PAK5: variants seen among roughly 807,000 people sequenced by gnomAD.
The protein encoded by PAK5 is p21 (RAC1) activated kinase 5.
A neutral mutation model predicts 65.9 loss-of-function variants in PAK5; 16 were observed. The ratio of observed to expected loss-of-function variants is 0.24; its 90% confidence interval spans 0.16 to 0.37. The LOEUF (loss-of-function observed/expected upper bound fraction) is 0.37. PAK5 is among the 10% of genes least tolerant of loss of function. The pLI is 1.00. For synonymous variants in PAK5, 371 were observed against 354.9 expected (o/e 1.05, Z -0.51); for missense variants, 785 against 903.9 (o/e 0.87, Z 1.69).
intron 2 of PAK5, among the ~76,000 whole-genome samples, chr20:9,654,578 C>T (rs959697463): frequency 1.3e-5 from 2 of 152,158 alleles, no homozygotes; most frequent in African/African-American, 4.8e-5. Context: ...ACCCTGTAGG[C>T]AGACAAATCT....
In PAK5 at chr20:9,580,422, C is replaced by T. The variant is rs2045957541; in HGVS notation, c.713G>A (p.Arg238Lys). 2 of 1,614,066 alleles carry T rather than the reference C, an allele frequency of 1.2e-6. No homozygotes were observed. Among genetic ancestry groups the T allele is most frequent in the Non-Finnish European group, 1.7e-6 (2 of 1,180,008 alleles). The change falls in exon 4 of 10, where the codon AGA becomes AAA. Residue 238 changes from arginine (R) to lysine (K), a missense_variant. Physicochemically the swap from Arg to Lys is conservative, Grantham distance 26. This residue lies in a region of PAK5 where 422 missense variants were observed against 413.3 expected (regional missense o/e 1.02). Coordinates refer to ENST00000353224, the MANE Select transcript of PAK5 (RefSeq NM_177990.4). ...LDYSFQFTPSRTAGTSGCSKE... is the reference protein window; with the variant it reads ...LDYSFQFTPSKTAGTSGCSKE... ...GGAGCACCCGCTGGTCCCTGCAGTT[C>T]TAGAAGGTGTGAATTGGAATGAATA...
At chr20:9,664,481 C>A (rs1333767392) in intron 2 of PAK5, among the ~76,000 whole-genome samples, 1 of 152,152 alleles carries the variant, frequency 6.6e-6, no homozygotes, top group Non-Finnish European at 1.5e-5. Context: ...TCAAAAATGG[C>A]TGACAAACTG....
intron 7 of PAK5, among the ~76,000 whole-genome samples, chr20:9,554,286 G>C (rs2045474112): frequency 6.6e-6 from 1 of 152,200 alleles, no homozygotes; most frequent in South Asian, 2.1e-4. Context: ...ATTTGATTCT[G>C]AGGCTAGGTT....
intron 7 of PAK5, among the ~76,000 whole-genome samples, chr20:9,553,639 A>G (rs1428900378): frequency 6.6e-6 from 1 of 151,850 alleles, no homozygotes; most frequent in Non-Finnish European, 1.5e-5. Flanking sequence ...CTCACTCAGT[A>G]TAACTTCCCT....
intron 1 of PAK5, among the ~76,000 whole-genome samples, chr20:9,764,551 T>C (rs1229210013): frequency 6.6e-6 from 1 of 152,180 alleles, no homozygotes; most frequent in African/African-American, 2.4e-5. Flanking sequence ...TTAGCGTCTG[T>C]TGATGATTCT....
intron 2 of PAK5, among the ~76,000 whole-genome samples, chr20:9,679,416 T>C (rs1260570672): frequency 6.6e-6 from 1 of 152,190 alleles, no homozygotes; most frequent in Non-Finnish European, 1.5e-5. Context: ...CTTTGTGCTT[T>C]TAAGATTCTT....
intron 3 of PAK5, among the ~76,000 whole-genome samples, chr20:9,601,823 G>A (rs191020468): frequency 7.0e-4 from 106 of 152,214 alleles, no homozygotes; most frequent in Admixed American, 1.3e-3. Flanking sequence ...AATGCCAAGA[G>A]GCGTCCAGAA....
intron 2 of PAK5, among the ~76,000 whole-genome samples, chr20:9,691,325 G>A (rs2047794405): frequency 6.6e-6 from 1 of 152,096 alleles, no homozygotes; most frequent in Non-Finnish European, 1.5e-5. Flanking sequence ...AGACGGTGGT[G>A]GGAGAGAGTG....
intron 4 of PAK5, among the ~76,000 whole-genome samples, chr20:9,578,188 G>A (rs148277782): frequency 1.3e-5 from 2 of 152,126 alleles, no homozygotes; most frequent in African/African-American, 2.4e-5. Flanking sequence ...TTATGAAACT[G>A]TAAGTGTGTC....
chr20:9,820,381 C>G (rs2049405522), intron 1 of PAK5, among the ~76,000 whole-genome samples: 1 of 152,270 alleles, frequency 6.6e-6, no homozygotes, highest in South Asian at 2.1e-4. Flanking sequence ...GGGCCACAAC[C>G]TATTTTTATT....
At chr20:9,803,936 G>A (rs2049201213) in intron 1 of PAK5, among the ~76,000 whole-genome samples, 1 of 152,086 alleles carries the variant, frequency 6.6e-6, no homozygotes, top group East Asian at 1.9e-4. Context: ...AGTAAATAAA[G>A]GCAACAATTA....
At chr20:9,578,793 C>T (rs749998710) in intron 4 of PAK5, among the ~76,000 whole-genome samples, 4 of 151,950 alleles carry the variant, frequency 2.6e-5, no homozygotes, top group Non-Finnish European at 4.4e-5. Flanking sequence ...CAACAGTCAC[C>T]CTGGCAAGCA....
chr20:9,578,366 C>G (rs907675082), intron 4 of PAK5, among the ~76,000 whole-genome samples: 2 of 152,128 alleles, frequency 1.3e-5, no homozygotes, highest in Non-Finnish European at 2.9e-5. Context: ...GACTGAAACT[C>G]CAGAATTAAG....
At chr20:9,720,711 C>T (rs1381703036) in intron 1 of PAK5, among the ~76,000 whole-genome samples, 2 of 151,960 alleles carry the variant, frequency 1.3e-5, no homozygotes, top group Non-Finnish European at 2.9e-5. Context: ...GCCAAATGAC[C>T]ATCAAGAGGT....
chr20:9,690,789 CT>C (rs2047785822), intron 2 of PAK5, among the ~76,000 whole-genome samples: 1 of 136,138 alleles, frequency 7.3e-6, no homozygotes, highest in Non-Finnish European at 1.5e-5. Context: ...AGTTTCACTC[CT>C]GTTGCCAAGG....
Position 9,551,470 on chromosome 20 carries a change from G to T in PAK5, c.1743+6138C>A, listed in dbSNP as rs577432068. Among the ~76,000 whole-genome samples, 4 of 152,280 alleles carry T rather than the reference G, an allele frequency of 2.6e-5. 1 individual carries two copies. The highest frequency in any genetic ancestry group is 4.1e-4 in the South Asian group (2 of 4,826). ...ACATGAGATCCTATCCATCTCTCAC[G>T]TGTCCTGGCCAGGAATCAGGGTTCC... On this transcript the variant is annotated intron_variant, in intron 7 of 9. Coordinates refer to ENST00000353224, the MANE Select transcript of PAK5 (RefSeq NM_177990.4).
intron 1 of PAK5, among the ~76,000 whole-genome samples, chr20:9,772,445 C>T (rs888921226): frequency 2.3e-5 from 3 of 131,010 alleles, no homozygotes; most frequent in African/African-American, 9.2e-5. Context: ...GGAATATCCC[C>T]GCTAGGGGAT....
chr20:9,590,110 T>C (rs1185442036), intron 3 of PAK5, among the ~76,000 whole-genome samples: 1 of 151,922 alleles, frequency 6.6e-6, no homozygotes, highest in Admixed American at 6.6e-5. Flanking sequence ...TAGCTAGGAA[T>C]ACAGGCATGT....
chr20:9,619,911 T>C (rs1437372412), intron 3 of PAK5, among the ~76,000 whole-genome samples: 1 of 152,244 alleles, frequency 6.6e-6, no homozygotes, highest in South Asian at 2.1e-4. Context: ...CAATCATTAG[T>C]GCTCTCAGCC....
Sources: allele counts gnomAD v4.1 joint callset (sites outside exome capture counted in the v4.1 genomes callset), GRCh38; gene constraint gnomAD v4.1.1; regional missense constraint gnomAD v4.1.1; transcripts MANE v1.5; gene names NCBI Gene and HGNC (gene_info 2026-07-23, HGNC 2026-07-21).